DNAH8: variants seen among roughly 807,000 people sequenced by gnomAD.
DNAH8 encodes the protein axonemal beta dynein heavy chain 8.
Under a neutral mutation model 562.1 loss-of-function variants are expected in DNAH8, and 382 were observed. The ratio of observed to expected loss-of-function variants is 0.68; its 90% CI spans 0.63 to 0.74. The LOEUF is 0.74. Ranked by LOEUF, DNAH8 falls within the 30% of genes least tolerant of loss-of-function variation. The pLI, the probability that DNAH8 is intolerant of heterozygous loss-of-function variation, is 0.00. For missense variants in DNAH8, 5,203 were observed against 5,620.4 expected, an observed-to-expected ratio of 0.93 and a Z score of 2.37; for synonymous variants, 1,881 against 1,919.4, an observed-to-expected ratio of 0.98 and a Z score of 0.52.
chr6:38,845,107 A>G (rs1003373092), intron 35 of DNAH8, among the ~76,000 whole-genome samples: 4 of 152,224 alleles, frequency 2.6e-5, no homozygotes, highest in Admixed American at 6.5e-5. Context: ...CCCATAAGAA[A>G]AAAACAACTG....
At chr6:38,868,351 A>G (rs1377928060) in intron 48 of DNAH8, among the ~76,000 whole-genome samples, 155 bp downstream of exon 48, 1 of 152,218 alleles carries the variant, frequency 6.6e-6, no homozygotes. Context: ...AGAAGAAAGC[A>G]AAAGACCCCA....
chr6:39,011,626 A>T (rs1766214918), intron 89 of DNAH8, among the ~76,000 whole-genome samples: 1 of 152,230 alleles, frequency 6.6e-6, no homozygotes, highest in South Asian at 2.1e-4. Context: ...TCAATAAGTG[A>T]TACATCAAAA....
In DNAH8 at chr6:38,938,957, T is replaced by A; in HGVS notation, c.11976T>A (p.Val3992=). The part of the protein sequence containing the change: ...TLKIDLQRGT[V]KHREFQALIK... ...AGATTGACCTTCAGAGAGGGACAGT[T>A]AAGCACAGAGAGTTTCAAGCTCTCA... is the stretch of plus-strand genomic sequence containing the variant. The change falls in exon 79 of 93, where the codon GTT becomes GTA. Residue 3992 remains valine, a synonymous_variant. Coordinates refer to ENST00000327475, the MANE Select transcript of DNAH8 (RefSeq NM_001206927.2). 6.2e-7 allele frequency: 1 copy of A among 1,613,762 alleles called. No individual in the cohort carries two copies. Among genetic ancestry groups the A allele is most frequent in the Non-Finnish European group, 8.5e-7 (1 of 1,179,822 alleles).
chr6:38,815,463 CA>C lies in DNAH8; in HGVS notation c.3334-4del, dbSNP rs1772165894. On this transcript the variant is annotated splice_polypyrimidine_tract_variant and splice_region_variant and intron_variant, in intron 25 of 92. Coordinates refer to ENST00000327475, the MANE Select transcript of DNAH8 (RefSeq NM_001206927.2). ...GTATTACACATTTGTTTCTTCTTTC[CA>C]CAGGTGATGATTCCTAGTTTGGATG... The C allele has an allele frequency of 6.2e-7, 1 of 1,610,218 alleles. No individual in the cohort carries two copies. Among genetic ancestry groups the C allele is most frequent in the Non-Finnish European group, 8.5e-7 (1 of 1,176,944 alleles).
At chr6:38,747,119 C>A (rs1405819943) in intron 8 of DNAH8, among the ~76,000 whole-genome samples, 3 of 152,066 alleles carry the variant, frequency 2.0e-5, no homozygotes, top group African/African-American at 7.2e-5. Flanking sequence ...TGTGTGCTTA[C>A]TATGTGCCAA....
chr6:38,852,195 C>G (rs1775802171), intron 39 of DNAH8, among the ~76,000 whole-genome samples: 1 of 152,080 alleles, frequency 6.6e-6, no homozygotes, highest in Non-Finnish European at 1.5e-5. Context: ...AAAAGAAAAA[C>G]CGTAGCAAAC....
chr6:39,018,965 C>T (rs947677993), intron 91 of DNAH8, among the ~76,000 whole-genome samples: 1 of 152,130 alleles, frequency 6.6e-6, no homozygotes, highest in Non-Finnish European at 1.5e-5. Context: ...GGTGAGTATG[C>T]ATAACATGGA....
At position 38,951,440 on chromosome 6, in the gene DNAH8, G is replaced by A. The variant is rs371307226; in HGVS notation, c.12371G>A (p.Arg4124Gln). 3.7e-6 allele frequency: 6 copies of A among 1,614,026 alleles called. No homozygotes were observed. Among genetic ancestry groups the A allele is most frequent in the Admixed American group, 1.7e-5 (1 of 60,010 alleles). Reference sequence around the variant, plus strand: ...AAAACTTGGGAAGAAAGTGATACCCGGACACCTCTGATATGCTTCCTGTCC... The same window carrying A: ...AAAACTTGGGAAGAAAGTGATACCCAGACACCTCTGATATGCTTCCTGTCC... ...LEKTWEESDT[R>Q]TPLICFLSMG... Residue 4124 changes from arginine (R) to glutamine (Q), a missense_variant, in exon 82 of 93, where the codon CGG becomes CAG. This residue lies in a region of DNAH8 where 1,399 missense variants were observed against 1,518.4 expected (regional missense o/e 0.92). Coordinates refer to ENST00000327475, the MANE Select transcript of DNAH8 (RefSeq NM_001206927.2).
chr6:39,021,487 G>A (rs1766914691), intron 91 of DNAH8, among the ~76,000 whole-genome samples: 2 of 152,222 alleles, frequency 1.3e-5, no homozygotes, highest in Non-Finnish European at 2.9e-5. Flanking sequence ...ATTCCTGGGT[G>A]TCTCTAATTT....
In DNAH8 at chr6:38,842,976, A is replaced by G. The variant is rs949880592; in HGVS notation, c.4845+73A>G. On this transcript the variant is annotated intron_variant, in intron 35 of 92. Coordinates refer to ENST00000327475, the MANE Select transcript of DNAH8 (RefSeq NM_001206927.2). ...GCTTTTTCTTTTCTGGGAGTTGTAC[A>G]GATATTTTATGAGAGGTTGGACTAA... The G allele has an allele frequency of 2.6e-6, 4 of 1,524,772 alleles. No homozygotes were observed. The Admixed American group carries it at 5.7e-5, about 22-fold the overall frequency. 94.5% of individuals were successfully genotyped at this position (1,524,772 alleles called of 1,614,324 possible).
intron 78 of DNAH8, among the ~76,000 whole-genome samples, chr6:38,938,492 G>T (rs1205220048): frequency 6.6e-6 from 1 of 152,016 alleles, no homozygotes; most frequent in Non-Finnish European, 1.5e-5. Context: ...ACACAGGAAC[G>T]GAAAACCAAA....
intron 79 of DNAH8, among the ~76,000 whole-genome samples, chr6:38,944,968 TTAACCCTAACCC>T (rs113455471): frequency 1.7e-4 from 26 of 150,562 alleles, no homozygotes; most frequent in South Asian, 1.1e-3. Context: ...AACCCCAACC[TTAACCCTAACCC>T]TAACCCTAAC....
intron 89 of DNAH8, 147 bp downstream of exon 89, chr6:39,009,117 T>C: frequency 1.9e-6 from 1 of 526,468 alleles, no homozygotes; most frequent in Non-Finnish European, 3.4e-6. Flanking sequence ...ATTACTAAAC[T>C]CTGCATCTCT....
chr6:38,780,983 C>T (rs1250369488), intron 15 of DNAH8, among the ~76,000 whole-genome samples: 6 of 151,906 alleles, frequency 3.9e-5, no homozygotes, highest in Admixed American at 6.6e-5. Context: ...CTATGTGCTC[C>T]GTTTGAATAC....
Position 38,807,648 on chromosome 6 carries a change from A to G in DNAH8, c.3189A>G (p.Leu1063=), listed in dbSNP as rs1193308103. Residue 1063 remains leucine (L), a synonymous_variant, in exon 24 of 93, where the codon TTA becomes TTG. Transcript: ENST00000327475. ...TCTTTGCTTTTTTCTCTCATCAATT[A>G]CTAGACAGTCTTCAAAAAGCTACAC... The part of the protein sequence containing the change: ...KEVFAFFSHQ[L]LDSLQKATRL... 4 of 1,566,962 alleles carry G rather than the reference A, an allele frequency of 2.6e-6. No individual in the cohort carries two copies. Among genetic ancestry groups the G allele is most frequent in the Admixed American group, 1.9e-5 (1 of 52,596 alleles).
At chr6:38,946,494 C>T (rs1157700878) in intron 80 of DNAH8, among the ~76,000 whole-genome samples, 1 of 152,168 alleles carries the variant, frequency 6.6e-6, no homozygotes, top group African/African-American at 2.4e-5. Context: ...GTCCTCCAAG[C>T]CCAAACAAAT....
At chr6:38,827,182 C>T (rs765379236) in intron 29 of DNAH8, among the ~76,000 whole-genome samples, 29 of 152,172 alleles carry the variant, frequency 1.9e-4, no homozygotes, top group Non-Finnish European at 3.5e-4. Context: ...TCCTGCCACA[C>T]TCTTTCTCTT....
chr6:39,010,912 T>G (rs2150770562), intron 89 of DNAH8, among the ~76,000 whole-genome samples: 1 of 151,794 alleles, frequency 6.6e-6, no homozygotes, highest in Non-Finnish European at 1.5e-5. Context: ...GGACTTGGGA[T>G]GGAGATGAGA....
At chr6:38,837,342 T>G (rs1181926670) in intron 32 of DNAH8, among the ~76,000 whole-genome samples, 1 of 152,222 alleles carries the variant, frequency 6.6e-6, no homozygotes, top group Admixed American at 6.5e-5. Context: ...CACAGATGGG[T>G]TACTTCTGTT....
Sources: allele counts gnomAD v4.1 joint callset (sites outside exome capture counted in the v4.1 genomes callset), GRCh38; gene constraint gnomAD v4.1.1; regional missense constraint gnomAD v4.1.1; transcripts MANE v1.5; gene names NCBI Gene and HGNC (gene_info 2026-07-23, HGNC 2026-07-21).